SLC24A2: variants seen among roughly 807,000 people sequenced by gnomAD.
SLC24A2 encodes the protein sodium/potassium/calcium exchanger 2.
In SLC24A2, 36 loss-of-function variants were observed where a neutral mutation model predicts 62.0. That is an observed-to-expected ratio of 0.58 (90% CI 0.44 to 0.77). The LOEUF (loss-of-function observed/expected upper bound fraction) is 0.77. Ranked by LOEUF, SLC24A2 falls within the 30% of genes least tolerant of loss-of-function variation. The pLI is 0.00. For missense variants in SLC24A2, 846 were observed against 817.9 expected, an observed-to-expected ratio of 1.03 and a Z score of -0.42; for synonymous variants, 358 against 294.0, an observed-to-expected ratio of 1.22 and a Z score of -2.23.
At chr9:19,873,491 C>CTCTT in the SLC24A2 span, among the ~76,000 whole-genome samples, 12 of 123,608 alleles carry the variant, frequency 9.7e-5, no homozygotes, top group East Asian at 3.0e-4. Flanking sequence ...TTCCTTCCTT[C>CTCTT]TCTTTCTTTC....
chr9:20,281,195 G>C, the SLC24A2 span, among the ~76,000 whole-genome samples: 4 of 152,142 alleles, frequency 2.6e-5, no homozygotes, highest in African/African-American at 9.7e-5. Context: ...CTCCCAAAGT[G>C]CTGGGAATAC....
intron 5 of SLC24A2, among the ~76,000 whole-genome samples, chr9:19,582,177 AAAC>A (rs1836229506): frequency 6.6e-6 from 1 of 152,216 alleles, no homozygotes. Context: ...GAATTTCGAA[AAAC>A]AACCAGCAAT....
chr9:19,584,121 T>G (rs561635709), intron 5 of SLC24A2, among the ~76,000 whole-genome samples: 7 of 152,156 alleles, frequency 4.6e-5, no homozygotes, highest in Non-Finnish European at 1.0e-4. Flanking sequence ...TCTGCCATCT[T>G]TAGTATCCCT....
At chr9:19,580,967 G>T (rs1218433674) in intron 5 of SLC24A2, among the ~76,000 whole-genome samples, 2 of 152,174 alleles carry the variant, frequency 1.3e-5, no homozygotes, top group African/African-American at 2.4e-5. Context: ...GGGGTCTTCT[G>T]TGAGAAAATA....
At chr9:19,740,515 A>T (rs958295752) in intron 2 of SLC24A2, among the ~76,000 whole-genome samples, 1 of 152,240 alleles carries the variant, frequency 6.6e-6, no homozygotes, top group Non-Finnish European at 1.5e-5. Flanking sequence ...CAAAGTTCAC[A>T]ATAGGTGACA....
At chr9:19,690,900 G>A (rs988642194) in intron 2 of SLC24A2, among the ~76,000 whole-genome samples, 19 of 144,408 alleles carry the variant, frequency 1.3e-4, no homozygotes, top group South Asian at 2.3e-4. Context: ...TAAGGGAGGC[G>A]TATTGTGTGT....
the SLC24A2 span, among the ~76,000 whole-genome samples, chr9:20,175,899 G>A: frequency 6.6e-6 from 1 of 152,028 alleles, no homozygotes; most frequent in African/African-American, 2.4e-5. Context: ...GAAGGTTTAA[G>A]AAGCTTTGTG....
the SLC24A2 span, among the ~76,000 whole-genome samples, chr9:19,993,878 A>G: frequency 1.1e-3 from 169 of 152,330 alleles, 4 homozygotes; most frequent in East Asian, 0.03. Flanking sequence ...GCCCATGGTG[A>G]AAACAGTCAG....
chr9:19,718,458 A>ATTT (rs58736549), intron 2 of SLC24A2, among the ~76,000 whole-genome samples: 2 of 99,796 alleles, frequency 2.0e-5, no homozygotes, highest in Non-Finnish European at 3.8e-5. Context: ...ATGCCTGGCT[A>ATTT]TTTTTTTTTT....
the SLC24A2 span, among the ~76,000 whole-genome samples, chr9:19,886,204 C>T: frequency 6.6e-5 from 10 of 152,252 alleles, no homozygotes; most frequent in South Asian, 2.1e-4. Context: ...AACTAATTTA[C>T]GCTCCCACCA....
intron 8 of SLC24A2, among the ~76,000 whole-genome samples, chr9:19,533,241 G>A (rs552976130): frequency 1.3e-5 from 2 of 152,282 alleles, no homozygotes; most frequent in African/African-American, 4.8e-5. Flanking sequence ...AAAATCTACA[G>A]AAGAGGCAGA....
the SLC24A2 span, among the ~76,000 whole-genome samples, chr9:19,993,480 G>A: frequency 6.6e-6 from 1 of 152,206 alleles, no homozygotes; most frequent in African/African-American, 2.4e-5. Flanking sequence ...ATCTATGGAT[G>A]CTCACTTTTC....
chr9:19,783,680 T>A (rs1241164920), intron 2 of SLC24A2, among the ~76,000 whole-genome samples: 1 of 152,140 alleles, frequency 6.6e-6, no homozygotes, highest in Admixed American at 6.5e-5. Context: ...ACAGAAAAAA[T>A]TCCAGCAATA....
chr9:19,907,125 A>T, the SLC24A2 span, among the ~76,000 whole-genome samples: 1 of 152,228 alleles, frequency 6.6e-6, no homozygotes, highest in Non-Finnish European at 1.5e-5. Flanking sequence ...AAGCTTATCC[A>T]TCATGATCAA....
At chr9:19,763,531 G>C (rs1822412894) in intron 2 of SLC24A2, among the ~76,000 whole-genome samples, 1 of 152,178 alleles carries the variant, frequency 6.6e-6, no homozygotes, top group African/African-American at 2.4e-5. Context: ...AAGGGGTGTT[G>C]AATTTTATCA....
chr9:19,542,078 C>G (rs866416631), intron 8 of SLC24A2, among the ~76,000 whole-genome samples: 1 of 152,166 alleles, frequency 6.6e-6, no homozygotes, highest in Non-Finnish European at 1.5e-5. Context: ...GCACGGTGCA[C>G]GCACACACTG....
the SLC24A2 span, among the ~76,000 whole-genome samples, chr9:19,911,400 C>A: frequency 6.6e-6 from 1 of 152,082 alleles, no homozygotes; most frequent in Non-Finnish European, 1.5e-5. Flanking sequence ...GTCTTTATAG[C>A]AGCATGATTT....
At chr9:19,886,509 C>T in the SLC24A2 span, among the ~76,000 whole-genome samples, 2 of 152,136 alleles carry the variant, frequency 1.3e-5, no homozygotes, top group African/African-American at 4.8e-5. Context: ...CAACGAGATA[C>T]CATCTCATGC....
chr9:19,780,701 G>C (rs1480744865), intron 2 of SLC24A2, among the ~76,000 whole-genome samples: 1 of 151,324 alleles, frequency 6.6e-6, no homozygotes, highest in Non-Finnish European at 1.5e-5. Flanking sequence ...GTGAAACCCC[G>C]TCTCTTCTAA....
Sources: gnomAD v4.1 joint callset for allele counts (sites outside exome capture counted in the v4.1 genomes callset) on GRCh38, gnomAD v4.1.1 for gene constraint, MANE v1.5 for transcripts, NCBI Gene and HGNC (gene_info 2026-07-23, HGNC 2026-07-21) for gene names.